The following NIBAN1 variants were observed in gnomAD, a reference collection of about 807,000 sequenced individuals.
The protein encoded by NIBAN1 is niban apoptosis regulator 1.
In NIBAN1, 81 loss-of-function variants were observed where a neutral mutation model predicts 75.1. The ratio of observed to expected loss-of-function variants is 1.08; its 90% CI spans 0.90 to 1.30. The LOEUF is 1.30. NIBAN1 is among the 50% of genes most tolerant of loss of function. The probability of loss-of-function intolerance (pLI) is 0.00; values close to 1 mark genes in which losing one functional copy is unlikely to be tolerated. For synonymous variants in NIBAN1, 436 were observed against 424.8 expected (o/e 1.03, Z -0.32); for missense variants, 1,133 against 1,128.1 (o/e 1.00, Z -0.06).
At chr1:184,843,442 T>TC (rs904699295) in intron 5 of NIBAN1, among the ~76,000 whole-genome samples, 6 of 151,744 alleles carry the variant, frequency 4.0e-5, no homozygotes, top group Non-Finnish European at 7.4e-5. Context: ...TCAGACACTT[T>TC]CCCCCCCGCA....
In NIBAN1 at chr1:184,795,750, C is replaced by A. The variant is rs1558093196; in HGVS notation, c.2014G>T (p.Asp672Tyr). Residue 672 changes from aspartate (D) to tyrosine (Y), a missense_variant, in exon 14 of 14, where the codon GAC becomes TAC. By Grantham distance (160) the Asp-to-Tyr change is radical. Coordinates refer to ENST00000367511, the MANE Select transcript of NIBAN1 (RefSeq NM_052966.4). Reference protein sequence around the residue: ...DPVVNPVATEDTAGLPGTCSS... With the variant: ...DPVVNPVATEYTAGLPGTCSS... ...CATGTGCCCGGGAGTCCTGCTGTGT[C>A]CTCTGTTGCCACAGGATTCACCACG... The A allele has an allele frequency of 5.6e-6, 9 of 1,612,224 alleles. No homozygotes were observed. The highest frequency in any genetic ancestry group is 7.6e-6 in the Non-Finnish European group (9 of 1,178,874).
intron 6 of NIBAN1, among the ~76,000 whole-genome samples, chr1:184,828,201 T>C (rs754452552): frequency 1.6e-4 from 24 of 152,274 alleles, no homozygotes; most frequent in African/African-American, 5.5e-4. Flanking sequence ...GGCAAGTTAT[T>C]CTGAGATAGT....
chr1:184,904,680 C>T (rs770423932), intron 1 of NIBAN1, among the ~76,000 whole-genome samples: 39 of 152,232 alleles, frequency 2.6e-4, no homozygotes, highest in African/African-American at 5.1e-4. Flanking sequence ...TTGGGCTGGG[C>T]GCAGTAGCTC....
chr1:184,892,436 C>T (rs569146174), intron 3 of NIBAN1, among the ~76,000 whole-genome samples: 9 of 152,260 alleles, frequency 5.9e-5, no homozygotes, highest in African/African-American at 1.9e-4. Flanking sequence ...TCTGAAAGGA[C>T]GTTGTAATGA....
At position 184,795,447 on chromosome 1, in the gene NIBAN1, C is replaced by A. The variant is rs779195910; in HGVS notation, c.2317G>T (p.Ala773Ser). The change falls in exon 14 of 14, where the codon GCC (alanine) becomes TCC (serine). Residue 773 changes from alanine (A) to serine (S), a missense_variant. By Grantham distance (99) the Ala-to-Ser change is moderately conservative (BLOSUM62 1). Coordinates refer to ENST00000367511, the MANE Select transcript of NIBAN1 (RefSeq NM_052966.4). ...CEESEVSERE[A>S]QPPCPEAHGE... Reference sequence around the variant, plus strand: ...TGGGCCTCGGGACAGGGAGGTTGGGCCTCCCTCTCGCTGACTTCACTTTCT... The same window carrying A: ...TGGGCCTCGGGACAGGGAGGTTGGGACTCCCTCTCGCTGACTTCACTTTCT... 2 of 1,608,012 alleles carry A rather than the reference C, an allele frequency of 1.2e-6. No individual in the cohort carries two copies. Among genetic ancestry groups the A allele is most frequent in the South Asian group, 1.1e-5 (1 of 90,250 alleles).
rs575151084 is a variant in NIBAN1 at position 184,814,897 on chromosome 1, T to C, written c.1173+3741A>G. The stretch of plus-strand genomic sequence containing the variant: ...TGTTAAGCATGGACTCATGAAGAAC[T>C]AGGACAGCCACCTTGTCCTTCCTGA... On this transcript the variant is annotated intron_variant, in intron 9 of 13. Coordinates refer to ENST00000367511, the MANE Select transcript of NIBAN1 (RefSeq NM_052966.4). Among the ~76,000 whole-genome samples, 4 of 152,362 alleles carry C rather than the reference T, an allele frequency of 2.6e-5. No homozygotes were observed. In the South Asian group the frequency reaches 8.3e-4, roughly 32 times the overall value.
At chr1:184,966,476 C>A (rs545578284) in intron 1 of NIBAN1, among the ~76,000 whole-genome samples, 48 of 152,288 alleles carry the variant, frequency 3.2e-4, no homozygotes, top group African/African-American at 1.1e-3. Context: ...GTAGAACCAC[C>A]CAGCCTGGAC....
intron 1 of NIBAN1, among the ~76,000 whole-genome samples, chr1:184,932,014 C>T (rs1657837593): frequency 1.3e-5 from 2 of 152,178 alleles, no homozygotes; most frequent in Non-Finnish European, 2.9e-5. Context: ...AGTGTTACCC[C>T]TCCCAGGGCT....
Position 184,838,495 on chromosome 1 carries a change from C to A in NIBAN1, c.602-6533G>T, listed in dbSNP as rs145701859. ...CATTCATTCAACAATCACATCCTCA[C>A]GACCAAGAACTGTGTAGGAATGCAC... is the stretch of plus-strand genomic sequence containing the variant. On this transcript the variant is annotated intron_variant, in intron 5 of 13. Transcript: ENST00000367511. 2.4e-3 allele frequency among the ~76,000 whole-genome samples: 358 copies of A among 152,298 alleles called. 1 individual carries two copies. Among genetic ancestry groups the A allele is most frequent in the African/African-American group, 8.3e-3 (345 of 41,566 alleles).
intron 2 of NIBAN1, among the ~76,000 whole-genome samples, chr1:184,897,718 T>C (rs1557905202): frequency 1.3e-5 from 2 of 152,210 alleles, no homozygotes; most frequent in African/African-American, 2.4e-5. Flanking sequence ...ACTCCGACTC[T>C]TCCTTCTAAG....
rs560169462 is a variant in NIBAN1 at position 184,911,939 on chromosome 1, T to C, written c.56-12630A>G. Among the ~76,000 whole-genome samples, 7 of 152,298 alleles carry C rather than the reference T, an allele frequency of 4.6e-5. No homozygotes were observed. The South Asian group carries it at 1.2e-3, about 27-fold the overall frequency. On this transcript the variant is annotated intron_variant, in intron 1 of 13. Transcript: ENST00000367511. ...CTCAAAAAAATTTTAAACAAAATACTACAGCTACATTTGCAACCCCCTCTA... is the reference window on the plus strand; with the variant it reads ...CTCAAAAAAATTTTAAACAAAATACCACAGCTACATTTGCAACCCCCTCTA...
chr1:184,860,602 A>C (rs773972762), intron 5 of NIBAN1, among the ~76,000 whole-genome samples: 1 of 152,214 alleles, frequency 6.6e-6, no homozygotes, highest in African/African-American at 2.4e-5. Context: ...CATTGTACTA[A>C]GTACTGTCTT....
chr1:184,965,691 A>T (rs772426646), intron 1 of NIBAN1, among the ~76,000 whole-genome samples: 11 of 152,170 alleles, frequency 7.2e-5, no homozygotes, highest in African/African-American at 4.8e-5. Context: ...AAAATAACTA[A>T]TGGATACTAG....
chr1:184,831,748 G>C, intron 6 of NIBAN1, 99 bp downstream of exon 6: 1 of 845,698 alleles, frequency 1.2e-6, no homozygotes, highest in Non-Finnish European at 1.9e-6. Flanking sequence ...TTCCATACTT[G>C]CAACTTTTCT....
At position 184,872,288 on chromosome 1, in the gene NIBAN1, C is replaced by T. The variant is rs182982820; in HGVS notation, c.601+12345G>A. Among the ~76,000 whole-genome samples the T allele has an allele frequency of 8.8e-3, 1,321 of 150,042 alleles. 13 individuals carry two copies. The highest frequency in any genetic ancestry group is 0.014 in the Non-Finnish European group (939 of 67,540). On this transcript the variant is annotated intron_variant, in intron 5 of 13. Transcript: ENST00000367511. ...AATAAAAAAATTAAAATTTAAACTC[C>T]GTAGATAAGGTTAGTAATGGATTAA...
intron 1 of NIBAN1, among the ~76,000 whole-genome samples, chr1:184,946,924 T>C (rs1178039579): frequency 6.6e-6 from 1 of 151,866 alleles, no homozygotes. Flanking sequence ...AAATACAAAA[T>C]TAGCTGGGCG....
At chr1:184,929,180 GCC>G (rs1467639016) in intron 1 of NIBAN1, among the ~76,000 whole-genome samples, 1 of 152,036 alleles carries the variant, frequency 6.6e-6, no homozygotes, top group Non-Finnish European at 1.5e-5. Flanking sequence ...TGAAATCCCA[GCC>G]AGTCCTTTTC....
intron 11 of NIBAN1, 64 bp downstream of exon 11, chr1:184,805,882 T>C: frequency 7.5e-7 from 1 of 1,334,962 alleles, no homozygotes; most frequent in Non-Finnish European, 1.1e-6. Context: ...ATTTTCCACT[T>C]TACAAAAGAA....
Position 184,831,943 on chromosome 1 carries a change from T to C in NIBAN1, c.621A>G (p.Thr207=). Residue 207 remains threonine, a synonymous_variant, in exon 6 of 14, where the codon ACA becomes ACG. Coordinates refer to ENST00000367511, the MANE Select transcript of NIBAN1 (RefSeq NM_052966.4). ...HLNHDYMKQM[T]FEAQAFLEAV... is the part of the protein sequence containing the mutation. Reference sequence around the variant, plus strand: ...CTTCTAAAAAGGCTTGGGCTTCAAATGTCATCTGCTTCATGTAATCTAAAG... The same window carrying C: ...CTTCTAAAAAGGCTTGGGCTTCAAACGTCATCTGCTTCATGTAATCTAAAG... The C allele has an allele frequency of 6.2e-7, 1 of 1,613,742 alleles. No homozygotes were observed. The highest frequency in any genetic ancestry group is 8.5e-7 in the Non-Finnish European group (1 of 1,179,646).
Sources: allele counts gnomAD v4.1 joint callset (sites outside exome capture counted in the v4.1 genomes callset), GRCh38; gene constraint gnomAD v4.1.1; transcripts MANE v1.5; gene names NCBI Gene and HGNC (gene_info 2026-07-23, HGNC 2026-07-21).